The following ENPEP variants were observed in gnomAD, a reference collection of about 807,000 sequenced individuals.
ENPEP encodes glutamyl aminopeptidase.
In ENPEP, 103 loss-of-function variants were observed where a neutral mutation model predicts 114.5. The observed-to-expected ratio is 0.90, with a 90% CI of 0.77 to 1.06. The LOEUF is 1.06. Among genes scored for constraint, ENPEP ranks in the 50% least tolerant of loss-of-function variants. The probability of loss-of-function intolerance (pLI) is 0.00; values close to 1 mark genes in which losing one functional copy is unlikely to be tolerated. For synonymous variants in ENPEP, 420 were observed against 422.0 expected, an observed-to-expected ratio of 1.00 and a Z score of 0.06; for missense variants, 1,196 against 1,161.3, an observed-to-expected ratio of 1.03 and a Z score of -0.43.
chr4:110,548,358 T>C (rs368231481), intron 14 of ENPEP, 32 bp downstream of exon 14: 10 of 1,491,934 alleles, frequency 6.7e-6, no homozygotes, highest in Non-Finnish European at 8.9e-6. Context: ...CTTATGAAAG[T>C]AAATGTTTAG....
Position 110,562,517 on chromosome 4 carries a change from T to C in ENPEP, c.*959T>C, listed in dbSNP as rs1727713315. On this transcript the variant is annotated 3_prime_UTR_variant, in exon 20 of 20. Transcript: ENST00000265162. ...ATTAGAATTTAGCTTTGACCTCACC[T>C]AGCAATCTAAGTGTGAAAATGGGGA... The C allele has an allele frequency of 6.6e-6, 1 of 152,148 alleles. No individual in the cohort carries two copies. The highest frequency in any genetic ancestry group is 2.1e-4 in the South Asian group (1 of 4,828). 9.4% of individuals were successfully genotyped at this position (152,148 alleles called of 1,614,324 possible).
intron 7 of ENPEP, among the ~76,000 whole-genome samples, chr4:110,514,555 AT>A (rs1253455567): frequency 6.6e-6 from 1 of 151,946 alleles, no homozygotes; most frequent in Non-Finnish European, 1.5e-5. Context: ...TTATTCAATC[AT>A]TTTTCCCCTT....
intron 13 of ENPEP, 119 bp from the exon 14 acceptor site, chr4:110,548,057 T>A: frequency 5.3e-6 from 6 of 1,136,352 alleles, no homozygotes; most frequent in Non-Finnish European, 6.9e-6. Context: ...AATGGAAGAA[T>A]CCTCATTAAC....
intron 19 of ENPEP, among the ~76,000 whole-genome samples, chr4:110,560,770 G>T (rs1727650727): frequency 6.6e-6 from 1 of 152,108 alleles, no homozygotes; most frequent in Non-Finnish European, 1.5e-5. Flanking sequence ...CAAGTCCAAA[G>T]GAGGAGAAAT....
At chr4:110,490,736 G>C (rs1429504031) in intron 2 of ENPEP, among the ~76,000 whole-genome samples, 1 of 152,196 alleles carries the variant, frequency 6.6e-6, no homozygotes, top group Non-Finnish European at 1.5e-5. Flanking sequence ...ATTATGGTCA[G>C]CATGATGTGT....
At chr4:110,547,734 A>G (rs1225017031) in intron 13 of ENPEP, among the ~76,000 whole-genome samples, 1 of 152,094 alleles carries the variant, frequency 6.6e-6, no homozygotes, top group African/African-American at 2.4e-5. Flanking sequence ...TTCAGGATTA[A>G]TAAGAACTGT....
At chr4:110,523,164 T>G (rs940508943) in intron 10 of ENPEP, among the ~76,000 whole-genome samples, 1 of 152,156 alleles carries the variant, frequency 6.6e-6, no homozygotes, top group Non-Finnish European at 1.5e-5. Flanking sequence ...GCCCATCCGT[T>G]TGGTCAACTA....
chr4:110,526,348 A>G (rs2110369272), intron 10 of ENPEP, among the ~76,000 whole-genome samples: 1 of 152,348 alleles, frequency 6.6e-6, no homozygotes, highest in South Asian at 2.1e-4. Context: ...TCTTATACAC[A>G]TGATTTACAA....
Position 110,509,723 on chromosome 4 carries a change from G to A in ENPEP, c.1110G>A (p.Thr370=), listed in dbSNP as rs780316413. 6.2e-6 allele frequency: 10 copies of A among 1,614,068 alleles called. No homozygotes were observed. The Admixed American group carries it at 6.7e-5, about 11-fold the overall frequency. The change falls in exon 5 of 20, where the codon ACG becomes ACA. Residue 370 remains threonine (T), a synonymous_variant. Transcript: ENST00000265162. ...GGGGACTCATCACGTACAGAGAAAC[G>A]AACCTGCTTTATGACCCTAAGGAAT... is the stretch of plus-strand genomic sequence containing the variant. ...ENWGLITYRE[T]NLLYDPKESA... is the part of the protein sequence containing the mutation.
At chr4:110,488,501 G>A in intron 1 of ENPEP, 40 bp from the exon 2 acceptor site, 1 of 1,559,188 alleles carries the variant, frequency 6.4e-7, no homozygotes, top group Non-Finnish European at 8.7e-7. Context: ...TGTCAGAAGA[G>A]GCAGCATGCA....
chr4:110,477,051 C>T lies in ENPEP; in HGVS notation c.637C>T (p.Gln213Ter), dbSNP rs141820677. The change falls in exon 1 of 20, where the codon CAA (glutamine) becomes TAA (stop). Residue 213 changes from glutamine to a stop codon, truncating the protein, a stop_gained. Coordinates refer to ENST00000265162, the MANE Select transcript of ENPEP (RefSeq NM_001977.4). LOFTEE classifies it high-confidence loss of function. ...TAGAACCACCTACACGGAGAACGGA[C>T]AAGTCAAGTAAATATTAATTTTTGC... The part of the protein sequence containing the change: ...FYRTTYTENG[Q>*]VKSIVATDHE... The T allele has an allele frequency of 3.6e-4, 580 of 1,611,200 alleles. No individual in the cohort carries two copies. Among genetic ancestry groups the T allele is most frequent in the Non-Finnish European group, 4.8e-4 (560 of 1,178,076 alleles).
chr4:110,552,931 A>G (rs1337855008), intron 17 of ENPEP, among the ~76,000 whole-genome samples: 1 of 152,136 alleles, frequency 6.6e-6, no homozygotes, highest in East Asian at 1.9e-4. Flanking sequence ...TTAAAAATCC[A>G]GTGGGATAAT....
Position 110,510,744 on chromosome 4 carries a change from A to G in ENPEP, c.1308+386A>G, listed in dbSNP as rs558960507. 1.7e-4 allele frequency among the ~76,000 whole-genome samples: 26 copies of G among 152,338 alleles called. No individual in the cohort carries two copies. The South Asian group carries it at 5.4e-3, about 32-fold the overall frequency. On this transcript the variant is annotated intron_variant, in intron 6 of 19. Coordinates refer to ENST00000265162, the MANE Select transcript of ENPEP (RefSeq NM_001977.4). ...TTACTTTATTTCAGACAGATTGCAG[A>G]AACAGTGTGATGAAGAGATAACATA...
chr4:110,539,807 T>A (rs1409131740), intron 11 of ENPEP, among the ~76,000 whole-genome samples: 1 of 150,708 alleles, frequency 6.6e-6, no homozygotes, highest in Non-Finnish European at 1.5e-5. Flanking sequence ...TATCATCACC[T>A]AAGAAAAATG....
chr4:110,552,723 G>C (rs2110397923), intron 17 of ENPEP, among the ~76,000 whole-genome samples: 1 of 152,216 alleles, frequency 6.6e-6, no homozygotes, highest in Non-Finnish European at 1.5e-5. Context: ...TCTAGGTATA[G>C]CCATGGCATA....
intron 10 of ENPEP, among the ~76,000 whole-genome samples, chr4:110,526,500 A>G (rs1726201118): frequency 6.6e-6 from 1 of 152,218 alleles, no homozygotes; most frequent in Non-Finnish European, 1.5e-5. Context: ...GGCTTGATGT[A>G]AACCCAGGCA....
intron 11 of ENPEP, among the ~76,000 whole-genome samples, chr4:110,534,343 C>A (rs1056395524): frequency 5.3e-5 from 8 of 152,072 alleles, no homozygotes; most frequent in Non-Finnish European, 1.0e-4. Flanking sequence ...TCTGGCTACT[C>A]CAGTTACCCT....
At chr4:110,548,352 T>G (rs780003785) in intron 14 of ENPEP, 26 bp downstream of exon 14, 1 of 1,500,162 alleles carries the variant, frequency 6.7e-7, no homozygotes, top group East Asian at 2.5e-5. Flanking sequence ...TGGTATCTTA[T>G]GAAAGTAAAT....
chr4:110,514,702 G>GA (rs913775060), intron 7 of ENPEP, among the ~76,000 whole-genome samples: 4 of 151,508 alleles, frequency 2.6e-5, no homozygotes, highest in Middle Eastern at 3.2e-3. Flanking sequence ...AATTTAAGTG[G>GA]GGGCAGTGTT....
Sources: gnomAD v4.1 joint callset for allele counts (sites outside exome capture counted in the v4.1 genomes callset) on GRCh38, gnomAD v4.1.1 for gene constraint, MANE v1.5 for transcripts, NCBI Gene and HGNC (gene_info 2026-07-23, HGNC 2026-07-21) for gene names.